Variants in TRAPPC9 observed in about 807,000 individuals in gnomAD.
TRAPPC9 encodes IKK2 binding protein.
A neutral mutation model predicts 124.0 loss-of-function variants in TRAPPC9; 83 were observed. The observed-to-expected ratio is 0.67, with a 90% CI of 0.56 to 0.80. TRAPPC9 has a LOEUF of 0.80. TRAPPC9 is among the 30% of genes least tolerant of loss of function. The probability of loss-of-function intolerance (pLI) is 0.00; values close to 1 mark genes in which losing one functional copy is unlikely to be tolerated. For missense variants in TRAPPC9, 1,302 were observed against 1,508.3 expected, an observed-to-expected ratio of 0.86 and a Z score of 2.27; for synonymous variants, 638 against 617.5, an observed-to-expected ratio of 1.03 and a Z score of -0.49.
At chr8:140,071,883 G>A (rs529737366) in intron 17 of TRAPPC9, among the ~76,000 whole-genome samples, 5 of 152,196 alleles carry the variant, frequency 3.3e-5, no homozygotes, top group South Asian at 2.1e-4. Flanking sequence ...ATAGCCCAGC[G>A]GGGTTGATCC....
intron 18 of TRAPPC9, among the ~76,000 whole-genome samples, chr8:139,992,015 G>A (rs1032298297): frequency 9.2e-5 from 14 of 151,830 alleles, no homozygotes; most frequent in African/African-American, 3.1e-4. Context: ...GGACCAATGG[G>A]GTTGTTTTAA....
chr8:140,433,644 C>T (rs1454940316), intron 4 of TRAPPC9, among the ~76,000 whole-genome samples: 1 of 152,164 alleles, frequency 6.6e-6, no homozygotes, highest in Non-Finnish European at 1.5e-5. Context: ...ACAATGTCCC[C>T]TTGTAGTCAA....
chr8:140,303,705 T>G (rs1028634812), intron 10 of TRAPPC9, among the ~76,000 whole-genome samples: 2 of 152,262 alleles, frequency 1.3e-5, no homozygotes, highest in Non-Finnish European at 2.9e-5. Flanking sequence ...GGATGTATTT[T>G]GGCTCCTTTT....
intron 21 of TRAPPC9, among the ~76,000 whole-genome samples, chr8:139,756,500 G>A (rs1586775792): frequency 1.4e-5 from 2 of 140,316 alleles, no homozygotes; most frequent in Admixed American, 1.4e-4. Flanking sequence ...GTCACAGGAG[G>A]AGCCAGGGTT....
intron 18 of TRAPPC9, among the ~76,000 whole-genome samples, chr8:140,009,684 C>T (rs1587482741): frequency 2.0e-5 from 3 of 152,338 alleles, no homozygotes; most frequent in Admixed American, 2.0e-4. Context: ...GGACTGACAT[C>T]CACTCCCGCC....
intron 17 of TRAPPC9, among the ~76,000 whole-genome samples, chr8:140,045,405 C>T (rs1841522130): frequency 6.6e-6 from 1 of 152,046 alleles, no homozygotes; most frequent in Non-Finnish European, 1.5e-5. Context: ...GCGGGTGGAT[C>T]ACCTGAGGTC....
intron 16 of TRAPPC9, among the ~76,000 whole-genome samples, chr8:140,237,090 A>G (rs2063747543): frequency 6.6e-6 from 1 of 152,160 alleles, no homozygotes; most frequent in Admixed American, 6.5e-5. Flanking sequence ...CTGAGGCAGG[A>G]GAATCACTTG....
chr8:140,447,480 A>C (rs2071309643), intron 2 of TRAPPC9, among the ~76,000 whole-genome samples: 1 of 152,174 alleles, frequency 6.6e-6, no homozygotes, highest in South Asian at 2.1e-4. Flanking sequence ...GACAGAAAAA[A>C]AGAAAAAGAA....
intron 15 of TRAPPC9, among the ~76,000 whole-genome samples, chr8:140,254,781 T>C (rs1046680474): frequency 6.6e-6 from 1 of 152,194 alleles, no homozygotes; most frequent in African/African-American, 2.4e-5. Context: ...AAGTAACTTA[T>C]CCATGGTCAC....
At chr8:140,296,864 C>G (rs1001112585) in intron 11 of TRAPPC9, among the ~76,000 whole-genome samples, 10 of 152,314 alleles carry the variant, frequency 6.6e-5, no homozygotes, top group African/African-American at 2.2e-4. Flanking sequence ...GGAGACAGTT[C>G]ATCACCAACC....
At chr8:139,914,662 T>C (rs1471081902) in intron 19 of TRAPPC9, 1 of 152,286 alleles carries the variant, frequency 6.6e-6, no homozygotes, top group Non-Finnish European at 1.5e-5. Context: ...GGGTCTATTG[T>C]CACCAGGCCA....
chr8:140,060,028 G>A (rs1031333909), intron 17 of TRAPPC9, among the ~76,000 whole-genome samples: 7 of 152,200 alleles, frequency 4.6e-5, no homozygotes, highest in African/African-American at 1.2e-4. Flanking sequence ...TGCTAGTTTT[G>A]TAGGGCACTG....
chr8:139,792,701 C>T lies in TRAPPC9; in HGVS notation c.3056-60499G>A, dbSNP rs181231134. The stretch of plus-strand genomic sequence containing the variant: ...TGCACAAGGAAGGAAGCAGGAGCTC[C>T]GGGGCTGCAGGCCTGGGACCCCCAC... On this transcript the variant is annotated intron_variant, in intron 21 of 22. Coordinates refer to ENST00000438773, the MANE Select transcript of TRAPPC9 (RefSeq NM_001160372.4). 8.5e-5 allele frequency among the ~76,000 whole-genome samples: 13 copies of T among 152,334 alleles called. No homozygotes were observed. The South Asian group carries it at 1.2e-3, about 15-fold the overall frequency.
chr8:140,140,132 A>G (rs952065061), intron 17 of TRAPPC9, among the ~76,000 whole-genome samples: 1 of 152,068 alleles, frequency 6.6e-6, no homozygotes, highest in African/African-American at 2.4e-5. Context: ...GGGGCAGGGA[A>G]CCAGTCAAGG....
Position 140,033,197 on chromosome 8 carries a change from T to C in TRAPPC9, c.2557-9118A>G, listed in dbSNP as rs145824681. Among the ~76,000 whole-genome samples, 874 of 152,346 alleles carry C rather than the reference T, an allele frequency of 5.7e-3. 10 individuals are homozygous for C. The highest frequency in any genetic ancestry group is 0.02 in the African/African-American group (835 of 41,572). On this transcript the variant is annotated intron_variant, in intron 17 of 22. Transcript: ENST00000438773. The stretch of plus-strand genomic sequence containing the variant: ...TCCAAAATCTATGTCTTTTACATTT[T>C]CTTTCTTGGACTACTGCACTGGCCA...
At chr8:140,306,443 A>G (rs1422781139) in intron 10 of TRAPPC9, among the ~76,000 whole-genome samples, 7 of 150,408 alleles carry the variant, frequency 4.7e-5, no homozygotes, top group Non-Finnish European at 1.0e-4. Context: ...CAGTGAGCCT[A>G]GACTGCGCCA....
At chr8:139,858,411 C>A (rs1827931270) in intron 21 of TRAPPC9, among the ~76,000 whole-genome samples, 1 of 152,244 alleles carries the variant, frequency 6.6e-6, no homozygotes, top group African/African-American at 2.4e-5. Context: ...AGCTCCTCTG[C>A]CGGGCTCCTC....
At chr8:140,038,390 C>A (rs139668087) in intron 17 of TRAPPC9, among the ~76,000 whole-genome samples, 1 of 152,266 alleles carries the variant, frequency 6.6e-6, no homozygotes, top group African/African-American at 2.4e-5. Context: ...CAAGTCAGGA[C>A]GATGAGAAGG....
At position 140,300,611 on chromosome 8, in the gene TRAPPC9, A is replaced by G. The variant is rs750980156; in HGVS notation, c.1626T>C (p.His542=). 1 of 1,614,262 alleles carries G rather than the reference A, an allele frequency of 6.2e-7. No homozygotes were observed. The highest frequency in any genetic ancestry group is 1.1e-5 in the South Asian group (1 of 91,088). ...TAGCAGGAAGGTTCAATAGTTTCACATGCCTGTTGTTTCAAACAGAACACA... is the reference window on the plus strand; with the variant it reads ...TAGCAGGAAGGTTCAATAGTTTCACGTGCCTGTTGTTTCAAACAGAACACA... ...VPFTKLPIVR[H]VKLLNLPASL... The change falls in exon 11 of 23, where the codon CAT becomes CAC. Residue 542 remains histidine (H), a synonymous_variant. Transcript: ENST00000438773.
Sources: allele counts gnomAD v4.1 joint callset (sites outside exome capture counted in the v4.1 genomes callset), GRCh38; gene constraint gnomAD v4.1.1; transcripts MANE v1.5; gene names NCBI Gene and HGNC (gene_info 2026-07-23, HGNC 2026-07-21).